The following THAP4 variants were observed in gnomAD, a reference collection of about 807,000 sequenced individuals.
The protein encoded by THAP4 is peroxynitrite isomerase THAP4.
THAP4 carries 18 observed loss-of-function variants against 48.1 expected under a neutral mutation model. The ratio of observed to expected loss-of-function variants is 0.37; its 90% CI spans 0.26 to 0.56. THAP4 has a LOEUF of 0.56. THAP4 is among the 20% of genes least tolerant of loss of function. THAP4 has a pLI of 0.78. For missense variants in THAP4, 656 were observed against 774.9 expected, an observed-to-expected ratio of 0.85 and a Z score of 1.82; for synonymous variants, 345 against 324.9, an observed-to-expected ratio of 1.06 and a Z score of -0.66.
At position 241,584,547 on chromosome 2, in the gene THAP4, G is replaced by T; in HGVS notation, c.*59C>A. ...TCTGCCGCAGGGACTGTCTGTTGAGGAGCCGAACCGTTGAGGCACAGTAGC... is the reference window on the plus strand; with the variant it reads ...TCTGCCGCAGGGACTGTCTGTTGAGTAGCCGAACCGTTGAGGCACAGTAGC... On this transcript the variant is annotated 3_prime_UTR_variant, in exon 6 of 6. Transcript: ENST00000407315. The T allele has an allele frequency of 2.5e-6, 4 of 1,603,342 alleles. No individual in the cohort carries two copies. The highest frequency in any genetic ancestry group is 2.6e-6 in the Non-Finnish European group (3 of 1,171,396).
chr2:241,602,164 G>A (rs2067122939), intron 4 of THAP4, 165 bp from the exon 5 acceptor site: 4 of 670,706 alleles, frequency 6.0e-6, no homozygotes, highest in African/African-American at 3.6e-5. Context: ...TGGATACGGA[G>A]GGAAAGCCAC....
At chr2:241,590,583 C>G in intron 5 of THAP4, among the ~76,000 whole-genome samples, 1 of 147,460 alleles carries the variant, frequency 6.8e-6, no homozygotes, top group Non-Finnish European at 1.5e-5. Flanking sequence ...ATGAGGGGCA[C>G]TAGGACACTC....
intron 2 of THAP4, among the ~76,000 whole-genome samples, chr2:241,611,724 CAAAAAA>C (rs556777493): frequency 3.1e-5 from 3 of 97,702 alleles, no homozygotes; most frequent in Non-Finnish European, 6.5e-5. Context: ...ACTCTGTCTC[CAAAAAA>C]AAAAAAAAAA....
intron 1 of THAP4, among the ~76,000 whole-genome samples, chr2:241,634,854 A>G (rs1313501218): frequency 1.3e-5 from 2 of 152,228 alleles, no homozygotes; most frequent in Non-Finnish European, 2.9e-5. Flanking sequence ...AACTCAGATG[A>G]TCCTTGAGGA....
At chr2:241,606,212 C>T in intron 3 of THAP4, 102 bp downstream of exon 3, 5 of 1,142,108 alleles carry the variant, frequency 4.4e-6, no homozygotes, top group Non-Finnish European at 4.8e-6. Context: ...GTTCCTTTTA[C>T]ACCTTCCTGC....
At chr2:241,602,416 G>C (rs1370844549) in intron 4 of THAP4, among the ~76,000 whole-genome samples, 1 of 151,388 alleles carries the variant, frequency 6.6e-6, no homozygotes, top group Non-Finnish European at 1.5e-5. Context: ...CCAGGCTGGA[G>C]TGCAGTGGCG....
upstream of THAP4, chr2:241,637,413 A>G (rs2067695174): frequency 6.9e-7 from 1 of 1,452,196 alleles, no homozygotes; most frequent in Non-Finnish European, 9.1e-7. Flanking sequence ...CGCCTCGACA[A>G]CTGCTCCTGG....
chr2:241,631,236 C>G (rs2067556230), intron 2 of THAP4, among the ~76,000 whole-genome samples: 1 of 152,114 alleles, frequency 6.6e-6, no homozygotes, highest in African/African-American at 2.4e-5. Context: ...ATAGCTGTTA[C>G]CCTGAGGATC....
rs925694088 is a variant in THAP4, at chr2:241,612,991, A to G, written c.1241-6518T>C. ...GTATGGGTGGTTGCCTGTTGAAATAATTTTTAGATAATATCGGGTTAAATA... is the reference window on the plus strand; with the variant it reads ...GTATGGGTGGTTGCCTGTTGAAATAGTTTTTAGATAATATCGGGTTAAATA... On this transcript the variant is annotated intron_variant, in intron 2 of 5. Coordinates refer to ENST00000407315, the MANE Select transcript of THAP4 (RefSeq NM_015963.6). This position sits in a 1 kb window ranked among gnomAD's most constrained non-coding sequence, Gnocchi z 4.1. 5.3e-5 allele frequency among the ~76,000 whole-genome samples: 8 copies of G among 152,230 alleles called. No homozygotes were observed. Among genetic ancestry groups the G allele is most frequent in the Non-Finnish European group, 1.2e-4 (8 of 68,038 alleles).
At position 241,610,211 on chromosome 2, in the gene THAP4, G is replaced by A. The variant is rs1358914477; in HGVS notation, c.1241-3738C>T. On this transcript the variant is annotated intron_variant, in intron 2 of 5. Transcript: ENST00000407315. This position sits in a 1 kb window ranked among gnomAD's most constrained non-coding sequence, Gnocchi z 4.2. The stretch of plus-strand genomic sequence containing the variant: ...ACGAGGCAGGACAGCCCCGGGCTAG[G>A]GTGAGGGGCACGCGCCGCAAGTCCT... Among the ~76,000 whole-genome samples, 2 of 152,196 alleles carry A rather than the reference G, an allele frequency of 1.3e-5. No homozygotes were observed. The highest frequency in any genetic ancestry group is 2.9e-5 in the Non-Finnish European group (2 of 68,016).
intron 2 of THAP4, among the ~76,000 whole-genome samples, chr2:241,619,169 G>A (rs540278316): frequency 3.9e-5 from 6 of 152,188 alleles, no homozygotes; most frequent in Non-Finnish European, 8.8e-5. Flanking sequence ...GGGCCCAGGC[G>A]CAGGCTGTGG....
At chr2:241,592,370 C>T (rs890630283) in intron 5 of THAP4, 38 of 152,508 alleles carry the variant, frequency 2.5e-4, no homozygotes, top group African/African-American at 8.7e-4. Flanking sequence ...CAGGCCCTCC[C>T]AAAAAGAGTC....
At chr2:241,590,787 T>G (rs200243056) in intron 5 of THAP4, among the ~76,000 whole-genome samples, 112 of 80,292 alleles carry the variant, frequency 1.4e-3, no homozygotes, top group Admixed American at 2.7e-3. Flanking sequence ...ACTAGGACAC[T>G]CAGAGCTGCT....
At position 241,637,076 on chromosome 2, in the gene THAP4, G is replaced by A; in HGVS notation, c.-59C>T. On this transcript the variant is annotated 5_prime_UTR_variant, in exon 1 of 6. Transcript: ENST00000407315. ...CGGCCCTAGCCGCCCGCCCGCCCGC[G>A]GACCGCCCCGAGGGAGGGAGCGCGG... 2 of 1,075,560 alleles carry A rather than the reference G, an allele frequency of 1.9e-6. No homozygotes were observed. Among genetic ancestry groups the A allele is most frequent in the South Asian group, 2.9e-5 (1 of 34,452 alleles). The allele number at this position is 1,075,560 out of a possible 1,614,324, so 66.6% of individuals were successfully genotyped here.
intron 2 of THAP4, among the ~76,000 whole-genome samples, chr2:241,632,257 T>C (rs2067574140): frequency 6.6e-6 from 1 of 152,062 alleles, no homozygotes; most frequent in African/African-American, 2.4e-5. Flanking sequence ...CATGTGCAGC[T>C]AGTTTTTGTA....
chr2:241,614,085 T>C (rs1015057363), intron 2 of THAP4, among the ~76,000 whole-genome samples: 2 of 150,700 alleles, frequency 1.3e-5, no homozygotes, highest in Non-Finnish European at 1.5e-5. Flanking sequence ...GCCCAGGAGG[T>C]TGAGGCTGCA....
rs1171709129 is a variant in THAP4, at chr2:241,589,083, G to A, written c.1615-4358C>T. 2.0e-5 allele frequency among the ~76,000 whole-genome samples: 3 copies of A among 152,052 alleles called. No homozygotes were observed. In the East Asian group the frequency reaches 5.8e-4, roughly 29 times the overall value. ...AAAAAATTAGCCGGCCATGGTGGTGGGAGCCTGTAATCCGAGCTACTTGGG... is the reference window on the plus strand; with the variant it reads ...AAAAAATTAGCCGGCCATGGTGGTGAGAGCCTGTAATCCGAGCTACTTGGG... On this transcript the variant is annotated intron_variant, in intron 5 of 5. Transcript: ENST00000407315.
At chr2:241,603,139 C>T (rs552243070) in intron 3 of THAP4, 60 bp from the exon 4 acceptor site, 25 of 1,392,108 alleles carry the variant, frequency 1.8e-5, no homozygotes, top group East Asian at 1.6e-4. Context: ...GCGTGGGCTG[C>T]GTGGATGCCA....
chr2:241,599,121 G>A (rs960383805), intron 5 of THAP4, among the ~76,000 whole-genome samples: 3 of 151,982 alleles, frequency 2.0e-5, no homozygotes, highest in African/African-American at 4.8e-5. Flanking sequence ...GTGTGGTGGT[G>A]CATGCCTGTA....
Sources: allele counts gnomAD v4.1 joint callset (sites outside exome capture counted in the v4.1 genomes callset), GRCh38; gene constraint gnomAD v4.1.1; non-coding constraint Gnocchi (gnomAD v3.1); transcripts MANE v1.5; gene names NCBI Gene and HGNC (gene_info 2026-07-23, HGNC 2026-07-21).